Variants in PDSS2 observed in about 807,000 individuals in gnomAD.
The protein encoded by PDSS2 is all trans-polyprenyl-diphosphate synthase PDSS2.
In PDSS2, 31 loss-of-function variants were observed where a neutral mutation model predicts 44.5. The ratio of observed to expected loss-of-function variants is 0.70; its 90% CI spans 0.52 to 0.94. The LOEUF (loss-of-function observed/expected upper bound fraction) is 0.94. Ranked by LOEUF, PDSS2 falls within the 40% of genes least tolerant of loss-of-function variation. The pLI, the probability that PDSS2 is intolerant of heterozygous loss-of-function variation, is 0.00. For missense variants in PDSS2, 452 were observed against 482.2 expected (o/e 0.94, Z 0.59); for synonymous variants, 157 against 180.3 (o/e 0.87, Z 1.03).
chr6:107,212,126 T>C lies in PDSS2; in HGVS notation c.859A>G (p.Met287Val). Residue 287 changes from methionine to valine, a missense_variant, in exon 5 of 8, where the codon ATG (methionine) becomes GTG (valine). Met to Val is a conservative substitution (Grantham distance 21). Coordinates refer to ENST00000369037, the MANE Select transcript of PDSS2 (RefSeq NM_020381.4). ...QNMAFQYGKH[M>V]AMSHKINSDV... ...CAAAGTACCTTATGACTCATGGCCA[T>C]GTGCTTCCCATACTGAAATGCCATA... 6.2e-7 allele frequency: 1 copy of C among 1,614,006 alleles called. No individual in the cohort carries two copies. The highest frequency in any genetic ancestry group is 8.5e-7 in the Non-Finnish European group (1 of 1,179,846).
chr6:107,218,378 C>T (rs1238197591), intron 4 of PDSS2, among the ~76,000 whole-genome samples: 2 of 152,150 alleles, frequency 1.3e-5, no homozygotes, highest in African/African-American at 4.8e-5. Flanking sequence ...TGCTGTTCTG[C>T]AGATACACTC....
chr6:107,204,755 C>T (rs1772915368), intron 6 of PDSS2, among the ~76,000 whole-genome samples: 1 of 152,174 alleles, frequency 6.6e-6, no homozygotes, highest in African/African-American at 2.4e-5. Flanking sequence ...GCATGAATCA[C>T]AGTATTCCTT....
intron 1 of PDSS2, among the ~76,000 whole-genome samples, chr6:107,356,919 G>A (rs1360670773): frequency 6.6e-6 from 1 of 152,072 alleles, no homozygotes; most frequent in Non-Finnish European, 1.5e-5. Context: ...GGCTATTTGT[G>A]TGTCTGGTGC....
chr6:107,367,500 T>C (rs781194004), intron 1 of PDSS2, among the ~76,000 whole-genome samples: 78 of 152,182 alleles, frequency 5.1e-4, no homozygotes, highest in Non-Finnish European at 1.1e-3. Context: ...TAAAAAAATT[T>C]AGGCCGGGCA....
At chr6:107,382,017 TGGG>T (rs1779468565) in intron 1 of PDSS2, among the ~76,000 whole-genome samples, 1 of 152,150 alleles carries the variant, frequency 6.6e-6, no homozygotes, top group Non-Finnish European at 1.5e-5. Flanking sequence ...CTGAAAGTAA[TGGG>T]GAGCCTCTGA....
chr6:107,258,034 A>C (rs1325742307), intron 3 of PDSS2, among the ~76,000 whole-genome samples: 1 of 152,208 alleles, frequency 6.6e-6, no homozygotes, highest in Non-Finnish European at 1.5e-5. Context: ...CAACTGTTTC[A>C]ATATAAATGT....
intron 1 of PDSS2, among the ~76,000 whole-genome samples, chr6:107,349,315 C>A (rs936494789): frequency 3.9e-5 from 6 of 152,108 alleles, no homozygotes; most frequent in Non-Finnish European, 7.4e-5. Flanking sequence ...CGCCTGTAGT[C>A]CCAGCTACTC....
At chr6:107,454,328 G>A (rs894782557) in intron 1 of PDSS2, among the ~76,000 whole-genome samples, 1 of 152,038 alleles carries the variant, frequency 6.6e-6, no homozygotes, top group African/African-American at 2.4e-5. Flanking sequence ...GATTGCAGGT[G>A]TGAACCACCA....
intron 7 of PDSS2, among the ~76,000 whole-genome samples, chr6:107,188,175 C>T (rs940721744): frequency 7.9e-5 from 12 of 151,974 alleles, no homozygotes; most frequent in African/African-American, 1.9e-4. Context: ...TTCAGGAGTT[C>T]GAGACCAGCC....
At chr6:107,397,030 A>G (rs1193256487) in intron 1 of PDSS2, among the ~76,000 whole-genome samples, 1 of 152,098 alleles carries the variant, frequency 6.6e-6, no homozygotes, top group African/African-American at 2.4e-5. Flanking sequence ...GAACTGAGCT[A>G]GGATGAGATT....
chr6:107,163,406 G>A lies in PDSS2; in HGVS notation c.1042-8629C>T, dbSNP rs550353322. ...GCTTTCATGTGTAAAATGCCCACCA[G>A]TAATGACTTATCAGTAATATAATCC... On this transcript the variant is annotated intron_variant, in intron 7 of 7. Coordinates refer to ENST00000369037, the MANE Select transcript of PDSS2 (RefSeq NM_020381.4). 2.6e-5 allele frequency among the ~76,000 whole-genome samples: 4 copies of A among 152,232 alleles called. No homozygotes were observed. The South Asian group carries it at 8.3e-4, about 32-fold the overall frequency.
chr6:107,202,831 T>G (rs995006730), intron 6 of PDSS2, among the ~76,000 whole-genome samples: 6 of 151,918 alleles, frequency 3.9e-5, no homozygotes, highest in African/African-American at 1.5e-4. Context: ...CAACAGCAGA[T>G]GTAGAAGGCT....
At chr6:107,189,528 G>A (rs1368885734) in intron 7 of PDSS2, among the ~76,000 whole-genome samples, 1 of 152,016 alleles carries the variant, frequency 6.6e-6, no homozygotes, top group African/African-American at 2.4e-5. Context: ...AGTAGGGACG[G>A]GGTTTCACCA....
intron 6 of PDSS2, 83 bp from the exon 7 acceptor site, chr6:107,193,937 A>G: frequency 1.2e-6 from 1 of 846,678 alleles, no homozygotes; most frequent in Admixed American, 1.7e-5. Context: ...AAAGAATAGA[A>G]CTCAGCTTCT....
chr6:107,403,553 T>C (rs1780213936), intron 1 of PDSS2, among the ~76,000 whole-genome samples: 1 of 152,104 alleles, frequency 6.6e-6, no homozygotes, highest in Non-Finnish European at 1.5e-5. Flanking sequence ...TGCAGCAAAT[T>C]TCTTCCTGGA....
chr6:107,403,954 A>G (rs319053), intron 1 of PDSS2, among the ~76,000 whole-genome samples: 151,534 of 152,362 alleles, frequency 0.99, 75,365 homozygotes, highest in Middle Eastern at 1. Context: ...AATTTCTGCT[A>G]TGGGCTTGAA....
intron 4 of PDSS2, among the ~76,000 whole-genome samples, chr6:107,222,527 C>T (rs982192325): frequency 1.3e-5 from 2 of 151,750 alleles, no homozygotes; most frequent in African/African-American, 4.8e-5. Context: ...GTGGTGGCAG[C>T]ACCTGTAATC....
At chr6:107,300,273 C>G (rs2500595) in intron 2 of PDSS2, among the ~76,000 whole-genome samples, 37,166 of 152,092 alleles carry the variant, frequency 0.24, 5,845 homozygotes, top group Middle Eastern at 0.48. Context: ...AGTTCATGCT[C>G]TGATGTTGAT....
At chr6:107,300,929 C>T (rs1321829190) in intron 2 of PDSS2, among the ~76,000 whole-genome samples, 1 of 152,156 alleles carries the variant, frequency 6.6e-6, no homozygotes, top group Non-Finnish European at 1.5e-5. Context: ...TTACTATTCA[C>T]AGCAGGGAGT....
Sources: allele counts gnomAD v4.1 joint callset (sites outside exome capture counted in the v4.1 genomes callset), GRCh38; gene constraint gnomAD v4.1.1; transcripts MANE v1.5; gene names NCBI Gene and HGNC (gene_info 2026-07-23, HGNC 2026-07-21).